The following PLCE1 variants were observed in gnomAD, a reference collection of about 807,000 sequenced individuals.
PLCE1 encodes phospholipase C epsilon 1.
In PLCE1, 119 loss-of-function variants were observed where a neutral mutation model predicts 242.8. The ratio of observed to expected loss-of-function variants is 0.49; its 90% CI spans 0.42 to 0.57. The LOEUF is 0.57. PLCE1 is among the 20% of genes least tolerant of loss of function. The pLI is 0.00. For synonymous variants in PLCE1, 945 were observed against 1,017.4 expected (o/e 0.93, Z 1.35); for missense variants, 2,441 against 2,788.8 (o/e 0.88, Z 2.81).
At chr10:94,309,313 TCTG>T (rs1181976675) in intron 27 of PLCE1, among the ~76,000 whole-genome samples, 4 of 150,992 alleles carry the variant, frequency 2.6e-5, no homozygotes, top group African/African-American at 7.3e-5. Flanking sequence ...AGTTGCAGAA[TCTG>T]CTTTTTTTTT....
At chr10:94,027,511 G>A (rs1007205089) in intron 1 of PLCE1, among the ~76,000 whole-genome samples, 1 of 152,176 alleles carries the variant, frequency 6.6e-6, no homozygotes, top group Non-Finnish European at 1.5e-5. Flanking sequence ...GCCTTCCAGA[G>A]ACAAAGCCAC....
At chr10:94,188,998 TA>T (rs904632569) in intron 4 of PLCE1, among the ~76,000 whole-genome samples, 6,392 of 73,798 alleles carry the variant, frequency 0.087, 249 homozygotes, top group African/African-American at 0.17. Flanking sequence ...TAGGAGAAAG[TA>T]AAAAAAAAAA....
chr10:94,257,901 C>T lies in PLCE1; in HGVS notation c.3555-899C>T, dbSNP rs2051159685. Among the ~76,000 whole-genome samples, 4 of 152,158 alleles carry T rather than the reference C, an allele frequency of 2.6e-5. No individual in the cohort carries two copies. The South Asian group carries it at 8.3e-4, about 32-fold the overall frequency. ...AAACCTGTACATTGTGCACATGTAC[C>T]CTAGAACTTAAAGTATAATTTAAAA... On this transcript the variant is annotated intron_variant, in intron 11 of 32. Transcript: ENST00000371380.
intron 4 of PLCE1, among the ~76,000 whole-genome samples, chr10:94,215,389 C>T (rs1405682086): frequency 6.6e-6 from 1 of 152,180 alleles, no homozygotes; most frequent in Non-Finnish European, 1.5e-5. Context: ...ACAATGCCTG[C>T]ATCCAAGGAG....
intron 2 of PLCE1, among the ~76,000 whole-genome samples, chr10:94,054,198 A>G (rs1332037628): frequency 6.6e-6 from 1 of 152,220 alleles, no homozygotes; most frequent in Admixed American, 6.5e-5. Flanking sequence ...AATACAGCAG[A>G]AAAGAAAAGG....
intron 2 of PLCE1, among the ~76,000 whole-genome samples, chr10:94,128,508 A>G (rs747080844): frequency 1.3e-5 from 2 of 152,188 alleles, no homozygotes; most frequent in Non-Finnish European, 2.9e-5. Flanking sequence ...TCATTCACAG[A>G]GCACTTCATC....
intron 7 of PLCE1, among the ~76,000 whole-genome samples, chr10:94,238,148 C>T (rs972716988): frequency 6.6e-5 from 10 of 152,326 alleles, no homozygotes; most frequent in East Asian, 3.9e-4. Flanking sequence ...TTGCTGGGCC[C>T]GGTGGCTTAT....
intron 3 of PLCE1, among the ~76,000 whole-genome samples, chr10:94,162,399 G>C (rs928917925): frequency 6.6e-6 from 1 of 151,962 alleles, no homozygotes; most frequent in Non-Finnish European, 1.5e-5. Context: ...GTGTATGTGT[G>C]GAGGAATTTA....
chr10:94,304,980 T>C (rs1479409980), intron 25 of PLCE1, among the ~76,000 whole-genome samples: 2 of 152,166 alleles, frequency 1.3e-5, no homozygotes, highest in African/African-American at 4.8e-5. Context: ...GATCAGCTCA[T>C]GTTAGGCTTC....
At chr10:94,326,489 G>GTT (rs900005857) in intron 32 of PLCE1, among the ~76,000 whole-genome samples, 7 of 152,140 alleles carry the variant, frequency 4.6e-5, no homozygotes, top group African/African-American at 1.7e-4. Context: ...TAGGTGTGAT[G>GTT]TTATACACAC....
intron 1 of PLCE1, among the ~76,000 whole-genome samples, chr10:94,027,209 C>T (rs566151627): frequency 4.6e-5 from 7 of 152,276 alleles, no homozygotes; most frequent in Admixed American, 1.3e-4. Flanking sequence ...TCACTCCCAC[C>T]CCATCAGCAC....
chr10:94,066,869 A>G (rs2044211012), intron 2 of PLCE1, among the ~76,000 whole-genome samples: 1 of 152,166 alleles, frequency 6.6e-6, no homozygotes, highest in South Asian at 2.1e-4. Context: ...GTCACTCTTT[A>G]TCCCATACCC....
At chr10:94,252,904 A>G (rs2050930516) in intron 9 of PLCE1, among the ~76,000 whole-genome samples, 1 of 152,096 alleles carries the variant, frequency 6.6e-6, no homozygotes, top group Non-Finnish European at 1.5e-5. Context: ...CCAGCAGAGG[A>G]GACAGCATAG....
intron 4 of PLCE1, among the ~76,000 whole-genome samples, chr10:94,184,080 T>G (rs2048393749): frequency 6.6e-6 from 1 of 152,220 alleles, no homozygotes; most frequent in Non-Finnish European, 1.5e-5. Flanking sequence ...AATTGGCCTA[T>G]TCCTTAGTAT....
At chr10:94,258,504 C>A (rs572114227) in intron 11 of PLCE1, among the ~76,000 whole-genome samples, 1 of 152,204 alleles carries the variant, frequency 6.6e-6, no homozygotes, top group Non-Finnish European at 1.5e-5. Context: ...GTTATTTTGC[C>A]CATTGATCTG....
rs368424457 is a variant in PLCE1, at chr10:94,132,166, A to G, written c.1207-8A>G. ...ATTAATACTTCCTGTACTTTGTGCT[A>G]TTCACAGATCTACAATGCAGTGAGA... On this transcript the variant is annotated splice_region_variant and splice_polypyrimidine_tract_variant and intron_variant, in intron 2 of 32. Coordinates refer to ENST00000371380, the MANE Select transcript of PLCE1 (RefSeq NM_016341.4). 12 of 1,612,414 alleles carry G rather than the reference A, an allele frequency of 7.4e-6. No individual in the cohort carries two copies. The highest frequency in any genetic ancestry group is 1.1e-5 in the South Asian group (1 of 91,040).
At chr10:94,059,473 G>A (rs2043990447) in intron 2 of PLCE1, among the ~76,000 whole-genome samples, 1 of 151,478 alleles carries the variant, frequency 6.6e-6, no homozygotes, top group Non-Finnish European at 1.5e-5. Context: ...TGAGGGATGT[G>A]GTACAGTTGA....
intron 27 of PLCE1, among the ~76,000 whole-genome samples, chr10:94,309,080 A>T (rs2053298961): frequency 6.6e-6 from 1 of 152,236 alleles, no homozygotes. Context: ...GAGGCTTATT[A>T]TGCGAAGCCT....
Position 94,259,123 on chromosome 10 carries a change from A to T in PLCE1, c.3787A>T (p.Asn1263Tyr). 6.2e-7 allele frequency: 1 copy of T among 1,614,012 alleles called. No individual in the cohort carries two copies. Among genetic ancestry groups the T allele is most frequent in the South Asian group, 1.1e-5 (1 of 91,070 alleles). Residue 1263 changes from asparagine to tyrosine, a missense_variant, in exon 13 of 33, where the codon AAC becomes TAC. Physicochemically the swap from Asn to Tyr is moderately radical, Grantham distance 143 (BLOSUM62 -2). Around this residue, in one of 5 missense-constraint regions of PLCE1, gnomAD observed 1,004 missense variants for 1,322.7 expected, o/e 0.76. Transcript: ENST00000371380. ...PLYTNLTIDE[N>Y]TSDLQPDLDL... is the part of the protein sequence containing the mutation. The stretch of plus-strand genomic sequence containing the variant: ...CTACACCAACCTGACAATTGATGAA[A>T]ACACCAGCGATCTTCAGCCTGACCT...
Sources: allele counts gnomAD v4.1 joint callset (sites outside exome capture counted in the v4.1 genomes callset), GRCh38; gene constraint gnomAD v4.1.1; regional missense constraint gnomAD v4.1.1; transcripts MANE v1.5; gene names NCBI Gene and HGNC (gene_info 2026-07-23, HGNC 2026-07-21).